MTUS2: variants seen among roughly 807,000 people sequenced by gnomAD.
MTUS2 encodes the protein microtubule associated scaffold protein 2.
In MTUS2, 40 loss-of-function variants were observed where a neutral mutation model predicts 114.1. The observed-to-expected ratio is 0.35, with a 90% CI of 0.27 to 0.46. The LOEUF is 0.46. Among genes scored for constraint, MTUS2 ranks in the 20% least tolerant of loss-of-function variants. The pLI is 1.00. For missense variants in MTUS2, 1,679 were observed against 1,705.4 expected (o/e 0.98, Z 0.27); for synonymous variants, 688 against 672.0 (o/e 1.02, Z -0.37).
intron 2 of MTUS2, among the ~76,000 whole-genome samples, chr13:29,002,404 C>T (rs914623563): frequency 1.3e-5 from 2 of 152,182 alleles, no homozygotes; most frequent in Non-Finnish European, 2.9e-5. Flanking sequence ...AATTGATACA[C>T]TATATACCCA....
At position 29,182,565 on chromosome 13, in the gene MTUS2, T is replaced by C. The variant is rs141895001; in HGVS notation, c.2644+81595T>C. ...CAACAAATATTCCCTGAGAACCTACTATGTGCTAGGATCTTAGCTAGATTC... is the reference window on the plus strand; with the variant it reads ...CAACAAATATTCCCTGAGAACCTACCATGTGCTAGGATCTTAGCTAGATTC... On this transcript the variant is annotated intron_variant, in intron 5 of 15. Coordinates refer to ENST00000612955, the MANE Select transcript of MTUS2 (RefSeq NM_001033602.4). 2.3e-3 allele frequency among the ~76,000 whole-genome samples: 357 copies of C among 152,344 alleles called. 4 individuals are homozygous for C. Among genetic ancestry groups the C allele is most frequent in the South Asian group, 0.018 (86 of 4,826 alleles).
At chr13:29,071,368 G>T (rs1888918643) in intron 4 of MTUS2, among the ~76,000 whole-genome samples, 2 of 142,254 alleles carry the variant, frequency 1.4e-5, no homozygotes, top group Non-Finnish European at 3.0e-5. Context: ...TTTCTCTGAG[G>T]ATACTAATTA....
chr13:28,946,249 C>T (rs1433500406), intron 2 of MTUS2, among the ~76,000 whole-genome samples: 1 of 149,850 alleles, frequency 6.7e-6, no homozygotes, highest in Non-Finnish European at 1.5e-5. Context: ...TTTTACTTTT[C>T]CTGGTATCTC....
At chr13:29,111,906 A>C (rs1202150604) in intron 5 of MTUS2, among the ~76,000 whole-genome samples, 2 of 152,178 alleles carry the variant, frequency 1.3e-5, no homozygotes, top group Non-Finnish European at 2.9e-5. Context: ...GGAATGATAA[A>C]GTAAGAAAGT....
chr13:28,942,662 G>A (rs1373965517), intron 2 of MTUS2, among the ~76,000 whole-genome samples: 6 of 152,318 alleles, frequency 3.9e-5, no homozygotes, highest in Admixed American at 3.9e-4. Context: ...ATGGTGACAT[G>A]GATACATCTC....
chr13:28,981,987 G>A lies in MTUS2; in HGVS notation c.-242-42470G>A, dbSNP rs114004494. Among the ~76,000 whole-genome samples, 783 of 152,252 alleles carry A rather than the reference G, an allele frequency of 5.1e-3. 4 individuals carry two copies. Among genetic ancestry groups the A allele is most frequent in the African/African-American group, 0.018 (727 of 41,540 alleles). ...CCTTTCTTGAATGCCCTAGGGATTC[G>A]CCCTTGTTTCTTCGTGGCATAGGGA... On this transcript the variant is annotated intron_variant, in intron 2 of 15. Transcript: ENST00000612955.
Position 29,445,306 on chromosome 13 carries a change from A to G in MTUS2, c.3184+5257A>G, listed in dbSNP as rs1593451717. Among the ~76,000 whole-genome samples the G allele has an allele frequency of 2.0e-5, 3 of 152,212 alleles. No individual in the cohort carries two copies. The Middle Eastern group carries it at 0.01, about 518-fold the overall frequency. On this transcript the variant is annotated intron_variant, in intron 9 of 15. Coordinates refer to ENST00000612955, the MANE Select transcript of MTUS2 (RefSeq NM_001033602.4). ...AGCTGAGTGTCCAGTGATTCCATTC[A>G]GTTCTGACACTAAGGACCCAGTGTT...
At chr13:28,827,134 A>C (rs7322214) in intron 1 of MTUS2, among the ~76,000 whole-genome samples, 75,279 of 151,990 alleles carry the variant, frequency 0.5, 19,266 homozygotes, top group Non-Finnish European at 0.53. Context: ...TATTTCAGGG[A>C]AAGTTAATTT....
In MTUS2 at chr13:29,492,361, C is replaced by T. The variant is rs370563788; in HGVS notation, c.3506-285C>T. 1.2e-3 allele frequency among the ~76,000 whole-genome samples: 174 copies of T among 150,252 alleles called. 3 individuals carry two copies. Among genetic ancestry groups the T allele is most frequent in the Admixed American group, 4.4e-3 (66 of 15,064 alleles). ...GTATGTGACGGGTGTGTGATGTTTG[C>T]GTGTGTGTGTAGTGTGTGGTCTGTG... On this transcript the variant is annotated intron_variant, in intron 11 of 15. Coordinates refer to ENST00000612955, the MANE Select transcript of MTUS2 (RefSeq NM_001033602.4).
chr13:29,225,435 A>G (rs986421286), intron 5 of MTUS2, among the ~76,000 whole-genome samples: 2 of 152,198 alleles, frequency 1.3e-5, no homozygotes, highest in Non-Finnish European at 2.9e-5. Flanking sequence ...CAACGGGGCA[A>G]TTGTGTACAT....
At chr13:28,929,992 A>G (rs752454254) in intron 2 of MTUS2, among the ~76,000 whole-genome samples, 10 of 152,146 alleles carry the variant, frequency 6.6e-5, no homozygotes, top group Admixed American at 2.0e-4. Context: ...GCCTGAGGAC[A>G]TGGAGATGTG....
intron 8 of MTUS2, among the ~76,000 whole-genome samples, chr13:29,415,141 A>G (rs1273480388): frequency 1.3e-5 from 2 of 150,658 alleles, no homozygotes; most frequent in Non-Finnish European, 3.0e-5. Context: ...TCCTTTTTGC[A>G]TTGTGTTCAG....
At position 28,825,328 on chromosome 13, in the gene MTUS2, C is replaced by T. The variant is rs559690773; in HGVS notation, c.-316+4717C>T. On this transcript the variant is annotated intron_variant, in intron 1 of 15. Coordinates refer to ENST00000612955, the MANE Select transcript of MTUS2 (RefSeq NM_001033602.4). Reference sequence around the variant, plus strand: ...CACTCCAGCCTGGATTCCCTGCAGTCACCCTGGGAACAAATGGAACTATGA... The same window carrying T: ...CACTCCAGCCTGGATTCCCTGCAGTTACCCTGGGAACAAATGGAACTATGA... 2.0e-5 allele frequency among the ~76,000 whole-genome samples: 3 copies of T among 152,306 alleles called. No homozygotes were observed. The South Asian group carries it at 6.2e-4, about 32-fold the overall frequency.
chr13:28,877,200 C>A (rs1593264462), intron 2 of MTUS2, among the ~76,000 whole-genome samples: 1 of 150,278 alleles, frequency 6.7e-6, no homozygotes, highest in African/African-American at 2.4e-5. Context: ...CACCTGTAGT[C>A]CCAGCTACTC....
At chr13:29,388,683 T>TA (rs1685241409) in intron 8 of MTUS2, among the ~76,000 whole-genome samples, 1 of 147,966 alleles carries the variant, frequency 6.8e-6, no homozygotes, top group South Asian at 2.3e-4. Flanking sequence ...AATTAAAATT[T>TA]AAAAAAATTT....
chr13:29,334,760 G>C (rs1900964523), intron 7 of MTUS2, among the ~76,000 whole-genome samples: 1 of 152,160 alleles, frequency 6.6e-6, no homozygotes. Flanking sequence ...GTTGTGGGAA[G>C]TCAGGGACCC....
At chr13:28,832,432 C>T (rs1874751885) in intron 1 of MTUS2, among the ~76,000 whole-genome samples, 1 of 151,574 alleles carries the variant, frequency 6.6e-6, no homozygotes, top group African/African-American at 2.4e-5. Context: ...AATCAGAAGG[C>T]AAGTTAGAAA....
chr13:29,185,727 A>C (rs1462036123), intron 5 of MTUS2, among the ~76,000 whole-genome samples: 1 of 152,214 alleles, frequency 6.6e-6, no homozygotes, highest in Non-Finnish European at 1.5e-5. Flanking sequence ...AAGTATTTTC[A>C]CATTAAAGGA....
chr13:29,231,326 A>G (rs1281540885), intron 5 of MTUS2, among the ~76,000 whole-genome samples: 4 of 152,340 alleles, frequency 2.6e-5, no homozygotes, highest in Middle Eastern at 3.4e-3. Context: ...ACTTTTTCCA[A>G]CACACAAAAC....
Sources: allele counts gnomAD v4.1 joint callset (sites outside exome capture counted in the v4.1 genomes callset), GRCh38; gene constraint gnomAD v4.1.1; transcripts MANE v1.5; gene names NCBI Gene and HGNC (gene_info 2026-07-23, HGNC 2026-07-21).